The following GPHN variants were observed in gnomAD, a reference collection of about 807,000 sequenced individuals.
The protein encoded by GPHN is gephyrin.
Under a neutral mutation model 95.5 loss-of-function variants are expected in GPHN, and 17 were observed. That is an observed-to-expected ratio of 0.18 (90% confidence interval 0.12 to 0.27). The LOEUF (loss-of-function observed/expected upper bound fraction) is 0.27. Ranked by LOEUF, GPHN falls within the 10% of genes least tolerant of loss-of-function variation. The pLI, the probability that GPHN is intolerant of heterozygous loss-of-function variation, is 1.00. For missense variants in GPHN, 660 were observed against 978.1 expected (o/e 0.67, Z 4.34); for synonymous variants, 320 against 322.5 (o/e 0.99, Z 0.08).
At chr14:67,534,026 A>G in the GPHN span, among the ~76,000 whole-genome samples, 1 of 152,056 alleles carries the variant, frequency 6.6e-6, no homozygotes, top group African/African-American at 2.4e-5. Flanking sequence ...TATCTCCTCC[A>G]TAGCTTTTAC....
At chr14:67,421,340 C>T in the GPHN span, among the ~76,000 whole-genome samples, 1 of 152,180 alleles carries the variant, frequency 6.6e-6, no homozygotes, top group Admixed American at 6.5e-5. Context: ...TAGCCCAGAA[C>T]AGCCTCTCCT....
At chr14:67,296,688 A>G in the GPHN span, among the ~76,000 whole-genome samples, 1 of 151,878 alleles carries the variant, frequency 6.6e-6, no homozygotes, top group Non-Finnish European at 1.5e-5. Context: ...TAAATATTTT[A>G]AATATTTTAA....
chr14:67,662,478 G>A, the GPHN span: 123 of 1,611,900 alleles, frequency 7.6e-5, no homozygotes, highest in Non-Finnish European at 1.0e-4. Context: ...TGTTCTCACC[G>A]TTTCATTTGC....
chr14:66,851,297 C>G (rs2062572913), intron 4 of GPHN, among the ~76,000 whole-genome samples: 1 of 152,016 alleles, frequency 6.6e-6, no homozygotes, highest in Admixed American at 6.6e-5. Flanking sequence ...ACAGTCACAG[C>G]TCAATCCTCA....
chr14:67,711,742 A>T, the GPHN span, among the ~76,000 whole-genome samples: 1 of 152,212 alleles, frequency 6.6e-6, no homozygotes, highest in Non-Finnish European at 1.5e-5. Flanking sequence ...TTAAATTTTC[A>T]TATTAAAGGA....
the GPHN span, among the ~76,000 whole-genome samples, chr14:67,628,920 G>A: frequency 9.8e-5 from 15 of 152,286 alleles, no homozygotes; most frequent in Middle Eastern, 3.4e-3. Flanking sequence ...AAGTAGTTGT[G>A]TACCCATGTT....
chr14:66,529,182 A>C (rs1555334917), intron 1 of GPHN, among the ~76,000 whole-genome samples: 1 of 150,810 alleles, frequency 6.6e-6, no homozygotes, highest in South Asian at 2.1e-4. Context: ...TTTTTTTTCT[A>C]ATCTTGTCTT....
chr14:66,929,054 C>CT lies in GPHN; in HGVS notation c.828+4781dup, dbSNP rs147521541. 3.0e-3 allele frequency among the ~76,000 whole-genome samples: 365 copies of CT among 122,754 alleles called. 3 individuals carry two copies. The highest frequency in any genetic ancestry group is 0.013 in the South Asian group (50 of 3,778). 80.5% of individuals were successfully genotyped at this position (122,754 alleles called of 152,430 possible). ...GTAATAGAGATTAAGTCCAATGTTT[C>CT]TTTTTTTTTTTTTTTTTTTAAGATA... On this transcript the variant is annotated intron_variant, in intron 8 of 22. Transcript: ENST00000478722.
the GPHN span, among the ~76,000 whole-genome samples, chr14:67,486,697 G>A: frequency 1.6e-4 from 24 of 152,250 alleles, no homozygotes; most frequent in East Asian, 3.1e-3. Context: ...CCCCAGACAC[G>A]TGGAATTAAC....
intron 3 of GPHN, among the ~76,000 whole-genome samples, chr14:66,781,827 A>G (rs1429430893): frequency 6.6e-6 from 1 of 152,184 alleles, no homozygotes; most frequent in African/African-American, 2.4e-5. Context: ...AAGTGATGCT[A>G]TAAACATTAT....
chr14:66,761,727 T>C (rs1295847456), intron 2 of GPHN, among the ~76,000 whole-genome samples: 1 of 151,674 alleles, frequency 6.6e-6, no homozygotes, highest in Non-Finnish European at 1.5e-5. Flanking sequence ...TGGCGTGATC[T>C]TGGCTCACTG....
intron 18 of GPHN, among the ~76,000 whole-genome samples, chr14:67,158,068 A>T (rs914533902): frequency 3.9e-5 from 6 of 152,060 alleles, no homozygotes; most frequent in Admixed American, 2.0e-4. Context: ...GCACTTTGGG[A>T]GGCCGAGACG....
intron 1 of GPHN, among the ~76,000 whole-genome samples, chr14:66,581,775 T>C (rs2061184283): frequency 6.6e-6 from 1 of 151,712 alleles, no homozygotes; most frequent in Non-Finnish European, 1.5e-5. Context: ...AGAATTTAAA[T>C]AAAAATTATA....
chr14:66,831,974 CAT>C (rs952892108), intron 4 of GPHN, among the ~76,000 whole-genome samples: 1 of 152,008 alleles, frequency 6.6e-6, no homozygotes, highest in African/African-American at 2.4e-5. Flanking sequence ...TGGTGAAACC[CAT>C]GTCTACTAAA....
chr14:67,686,458 G>C, the GPHN span, among the ~76,000 whole-genome samples: 6 of 152,096 alleles, frequency 3.9e-5, no homozygotes, highest in Non-Finnish European at 7.4e-5. Context: ...GGGCAACACA[G>C]TGAAACCCCG....
intron 1 of GPHN, among the ~76,000 whole-genome samples, chr14:66,660,606 T>C (rs1047617752): frequency 1.3e-5 from 2 of 152,202 alleles, no homozygotes; most frequent in Non-Finnish European, 2.9e-5. Flanking sequence ...AGTTCTTTTA[T>C]TTAAGCACTT....
intron 2 of GPHN, among the ~76,000 whole-genome samples, chr14:66,695,876 A>T (rs2068071414): frequency 6.6e-6 from 1 of 152,212 alleles, no homozygotes; most frequent in African/African-American, 2.4e-5. Flanking sequence ...GAGCAGGCAG[A>T]GTACAGAGGA....
At chr14:66,586,408 G>T (rs533533476) in intron 1 of GPHN, among the ~76,000 whole-genome samples, 342 of 152,264 alleles carry the variant, frequency 2.2e-3, no homozygotes, top group African/African-American at 7.7e-3. Flanking sequence ...GTATTGTTAT[G>T]TGTGAATTTG....
At chr14:67,206,587 TATA>T in the GPHN span, among the ~76,000 whole-genome samples, 7 of 152,286 alleles carry the variant, frequency 4.6e-5, no homozygotes, top group East Asian at 1.2e-3. Context: ...AGAAAATGCT[TATA>T]ATAAAATGTT....
Sources: allele counts gnomAD v4.1 joint callset (sites outside exome capture counted in the v4.1 genomes callset), GRCh38; gene constraint gnomAD v4.1.1; transcripts MANE v1.5; gene names NCBI Gene and HGNC (gene_info 2026-07-23, HGNC 2026-07-21).